Variants in NEK10 observed in about 807,000 individuals in gnomAD.
NEK10 encodes NIMA related kinase 10, also known as serine/threonine-protein kinase Nek10.
NEK10 carries 122 observed loss-of-function variants against 159.8 expected under a neutral mutation model. That is an observed-to-expected ratio of 0.76 (90% CI 0.66 to 0.89). The LOEUF (loss-of-function observed/expected upper bound fraction) is 0.89, where lower values mean the gene tolerates loss of function less well. Ranked by LOEUF, NEK10 falls within the 40% of genes least tolerant of loss-of-function variation. The pLI, the probability that NEK10 is intolerant of heterozygous loss-of-function variation, is 0.00. For synonymous variants in NEK10, 466 were observed against 457.1 expected (o/e 1.02, Z -0.25); for missense variants, 1,342 against 1,323.1 (o/e 1.01, Z -0.22).
chr3:27,111,158 G>T lies in NEK10; in HGVS notation c.*114C>A. The T allele has an allele frequency of 1.1e-6, 1 of 922,840 alleles. No individual in the cohort carries two copies. The allele number at this position is 922,840 out of a possible 1,614,324, so 57.2% of individuals were successfully genotyped here. ...AGTCCTGCAGGCCCCATGGCATCTT[G>T]GTCTTTTCCACACCCTCTAGCAGCA... is the stretch of plus-strand genomic sequence containing the variant. On this transcript the variant is annotated 3_prime_UTR_variant, in exon 36 of 36. Coordinates refer to ENST00000691995, the MANE Select transcript of NEK10 (RefSeq NM_001394966.1).
chr3:27,113,309 T>C (rs1426126676), intron 35 of NEK10, among the ~76,000 whole-genome samples: 1 of 151,666 alleles, frequency 6.6e-6, no homozygotes, highest in African/African-American at 2.4e-5. Context: ...TGGGCGCCTA[T>C]AATCCCAGCA....
At chr3:27,271,850 T>C (rs1423928309) in intron 22 of NEK10, among the ~76,000 whole-genome samples, 1 of 141,244 alleles carries the variant, frequency 7.1e-6, no homozygotes, top group African/African-American at 2.5e-5. Flanking sequence ...TACAGCACAT[T>C]ATGAAAAAAA....
chr3:27,191,416 A>C (rs907941385), intron 26 of NEK10, among the ~76,000 whole-genome samples: 1 of 152,276 alleles, frequency 6.6e-6, no homozygotes, highest in African/African-American at 2.4e-5. Context: ...GAAAGAAAAT[A>C]AGAGACAGCA....
chr3:27,215,676 CAAAG>C, intron 23 of NEK10: 1 of 626,882 alleles, frequency 1.6e-6, no homozygotes, highest in Non-Finnish European at 2.9e-6. Flanking sequence ...TGCACTACTA[CAAAG>C]AAATACCTGA....
At chr3:27,144,169 C>T (rs1306056130) in intron 30 of NEK10, among the ~76,000 whole-genome samples, 1 of 152,124 alleles carries the variant, frequency 6.6e-6, no homozygotes, top group Non-Finnish European at 1.5e-5. Flanking sequence ...GGTGACATAT[C>T]ACATCACATA....
chr3:27,162,653 A>T, intron 30 of NEK10, 48 bp downstream of exon 30: 1 of 1,614,062 alleles, frequency 6.2e-7, no homozygotes, highest in Non-Finnish European at 8.5e-7. Context: ...AATTACATTG[A>T]ATTTTAGAGA....
intron 6 of NEK10, among the ~76,000 whole-genome samples, chr3:27,317,544 T>A (rs989043088): frequency 5.9e-5 from 9 of 152,020 alleles, no homozygotes; most frequent in African/African-American, 1.4e-4. Flanking sequence ...GTTCCTTTTT[T>A]AAAAAAAATA....
intron 5 of NEK10, among the ~76,000 whole-genome samples, chr3:27,333,497 G>T (rs1387439250): frequency 6.7e-6 from 1 of 149,916 alleles, no homozygotes; most frequent in Non-Finnish European, 1.5e-5. Context: ...AGTGAGCCCA[G>T]ATCGCATCAT....
At chr3:27,173,675 CT>C (rs1267921435) in intron 28 of NEK10, among the ~76,000 whole-genome samples, 1 of 152,122 alleles carries the variant, frequency 6.6e-6, no homozygotes, top group Non-Finnish European at 1.5e-5. Flanking sequence ...AGTATAGTCA[CT>C]GAGGAGAGAG....
At chr3:27,300,298 A>G (rs628802) in intron 13 of NEK10, among the ~76,000 whole-genome samples, 95,271 of 151,880 alleles carry the variant, frequency 0.63, 31,850 homozygotes, top group African/African-American at 0.88. Flanking sequence ...TTGAAAGTGC[A>G]TGGAGTTTCC....
chr3:27,316,416 C>T (rs1480916834), intron 6 of NEK10, among the ~76,000 whole-genome samples: 1 of 152,028 alleles, frequency 6.6e-6, no homozygotes, highest in Non-Finnish European at 1.5e-5. Flanking sequence ...AATTAACTAA[C>T]ACAGGGGGAG....
intron 22 of NEK10, among the ~76,000 whole-genome samples, chr3:27,282,538 TTATA>T (rs10525422): frequency 4.7e-4 from 20 of 42,128 alleles, no homozygotes; most frequent in Non-Finnish European, 7.4e-4. Flanking sequence ...CATAAATGTG[TTATA>T]TATATATATA....
chr3:27,230,226 G>A (rs9857177), intron 23 of NEK10, among the ~76,000 whole-genome samples: 66,278 of 151,826 alleles, frequency 0.44, 16,963 homozygotes, highest in African/African-American at 0.72. Flanking sequence ...TAGCCTCCTT[G>A]AACAAATTAA....
chr3:27,365,507 A>AC (rs1162949354), intron 1 of NEK10, among the ~76,000 whole-genome samples: 1 of 151,698 alleles, frequency 6.6e-6, no homozygotes, highest in African/African-American at 2.4e-5. Flanking sequence ...GGGGAGTTTG[A>AC]CCTATAGATA....
intron 23 of NEK10, among the ~76,000 whole-genome samples, chr3:27,207,959 T>C (rs895259539): frequency 9.7e-4 from 147 of 152,300 alleles, no homozygotes; most frequent in African/African-American, 3.2e-3. Flanking sequence ...AATGATGCTC[T>C]AATTATAATT....
chr3:27,304,601 T>C, intron 12 of NEK10, 146 bp downstream of exon 12: 1 of 632,624 alleles, frequency 1.6e-6, no homozygotes, highest in Non-Finnish European at 2.9e-6. Context: ...TTGTGACAAG[T>C]CTAGATGACT....
At chr3:27,261,650 G>C (rs567984593) in intron 22 of NEK10, among the ~76,000 whole-genome samples, 2 of 152,284 alleles carry the variant, frequency 1.3e-5, no homozygotes, top group South Asian at 4.1e-4. Context: ...CAACTATGTG[G>C]TCAATTTTGG....
At chr3:27,356,013 T>G (rs913997214) in intron 1 of NEK10, among the ~76,000 whole-genome samples, 1 of 152,210 alleles carries the variant, frequency 6.6e-6, no homozygotes, top group Admixed American at 6.5e-5. Flanking sequence ...TCTGTCCTCA[T>G]GAGTGGGTTT....
At chr3:27,113,423 G>A (rs534327577) in intron 35 of NEK10, among the ~76,000 whole-genome samples, 11 of 97,678 alleles carry the variant, frequency 1.1e-4, no homozygotes, top group African/African-American at 4.3e-4. Flanking sequence ...GCAACATAAC[G>A]AGATTCCATC....
Sources: gnomAD v4.1 joint callset for allele counts (sites outside exome capture counted in the v4.1 genomes callset) on GRCh38, gnomAD v4.1.1 for gene constraint, MANE v1.5 for transcripts, NCBI Gene and HGNC (gene_info 2026-07-23, HGNC 2026-07-21) for gene names.